Variants in AGPAT4 observed in about 807,000 individuals in gnomAD.
The protein encoded by AGPAT4 is 1-acylglycerol-3-phosphate O-acyltransferase 4.
In AGPAT4, 15 loss-of-function variants were observed where a neutral mutation model predicts 48.0. The observed-to-expected ratio is 0.31, with a 90% confidence interval of 0.21 to 0.48. The LOEUF (loss-of-function observed/expected upper bound fraction) is 0.48, where lower values mean the gene tolerates loss of function less well. Among genes scored for constraint, AGPAT4 ranks in the 20% least tolerant of loss-of-function variants. AGPAT4 has a pLI of 0.99. For missense variants in AGPAT4, 314 were observed against 482.5 expected (o/e 0.65, Z 3.27); for synonymous variants, 178 against 198.7 (o/e 0.90, Z 0.88).
Position 161,243,886 on chromosome 6 carries a change from G to A in AGPAT4, c.-89-11584C>T, listed in dbSNP as rs1782571742. On this transcript the variant is annotated intron_variant, in intron 1 of 8. Transcript: ENST00000320285. The surrounding 1 kb of genome is among the most constrained non-coding windows in gnomAD (Gnocchi z 4.8). ...GACCCTGAGCTGAAGTGACTCCTAA[G>A]ATCCTCAAAGCCCACTCACAAGTTT... Among the ~76,000 whole-genome samples the A allele has an allele frequency of 6.6e-6, 1 of 152,150 alleles. No homozygotes were observed. The highest frequency in any genetic ancestry group is 1.5e-5 in the Non-Finnish European group (1 of 68,038).
rs1353163429 is a variant in AGPAT4 at position 161,208,394 on chromosome 6, T to C, written c.178+23642A>G. Among the ~76,000 whole-genome samples, 1 of 152,126 alleles carries C rather than the reference T, an allele frequency of 6.6e-6. No individual in the cohort carries two copies. The highest frequency in any genetic ancestry group is 1.5e-5 in the Non-Finnish European group (1 of 68,030). On this transcript the variant is annotated intron_variant, in intron 2 of 8. Transcript: ENST00000320285. This position sits in a 1 kb window ranked among gnomAD's most constrained non-coding sequence, Gnocchi z 4.6. ...TTCCCACCTTGAAGGCTTCTTGTTC[T>C]TAACAGCTCAATTAAACTCATGTAC...
chr6:161,253,657 C>CT (rs760609250), intron 1 of AGPAT4, among the ~76,000 whole-genome samples: 1 of 151,710 alleles, frequency 6.6e-6, no homozygotes, highest in Non-Finnish European at 1.5e-5. Flanking sequence ...ATATTGCACC[C>CT]CCCAAGATTG....
chr6:161,204,321 G>A lies in AGPAT4; in HGVS notation c.178+27715C>T, dbSNP rs1004793497. Among the ~76,000 whole-genome samples, 3 of 152,092 alleles carry A rather than the reference G, an allele frequency of 2.0e-5. No individual in the cohort carries two copies. The highest frequency in any genetic ancestry group is 1.9e-4 in the East Asian group (1 of 5,164). On this transcript the variant is annotated intron_variant, in intron 2 of 8. Transcript: ENST00000320285. The surrounding 1 kb of genome is among the most constrained non-coding windows in gnomAD (Gnocchi z 4.4). Reference sequence around the variant, plus strand: ...GAGGAGATGATCTCTAAGTTGGCCCGAATACATTTTCAATCACTGCATTCT... The same window carrying A: ...GAGGAGATGATCTCTAAGTTGGCCCAAATACATTTTCAATCACTGCATTCT...
chr6:161,144,988 A>T lies in AGPAT4; in HGVS notation c.843+1536T>A, dbSNP rs964811754. On this transcript the variant is annotated intron_variant, in intron 7 of 8. Transcript: ENST00000320285. This position sits in a 1 kb window ranked among gnomAD's most constrained non-coding sequence, Gnocchi z 6.6. ...AGAGTGAAACTCAGTCTCAAAAAAAAAAAATAAAAAAAGTAACATTTTATA... is the reference window on the plus strand; with the variant it reads ...AGAGTGAAACTCAGTCTCAAAAAAATAAAATAAAAAAAGTAACATTTTATA... 6.6e-6 allele frequency among the ~76,000 whole-genome samples: 1 copy of T among 151,684 alleles called. No homozygotes were observed. The highest frequency in any genetic ancestry group is 1.5e-5 in the Non-Finnish European group (1 of 68,034).
At chr6:161,175,157 C>A (rs1244016910) in intron 2 of AGPAT4, among the ~76,000 whole-genome samples, 2 of 152,164 alleles carry the variant, frequency 1.3e-5, no homozygotes, top group African/African-American at 4.8e-5. Context: ...ATGATGCTGG[C>A]CTCATAAAAT....
Position 161,267,056 on chromosome 6 carries a change from G to T in AGPAT4, c.-90+6882C>A, listed in dbSNP as rs373972745. Among the ~76,000 whole-genome samples the T allele has an allele frequency of 1.1e-4, 17 of 152,320 alleles. No individual in the cohort carries two copies. The South Asian group carries it at 3.5e-3, about 32-fold the overall frequency. On this transcript the variant is annotated intron_variant, in intron 1 of 8. Transcript: ENST00000320285. The surrounding 1 kb of genome is among the most constrained non-coding windows in gnomAD (Gnocchi z 5.2). ...AAGCCTCTGACTCCATCCACCCACC[G>T]CCTTGGGAACTCTGAGAGCAGCCAC...
rs1238085296 is a variant in AGPAT4 at position 161,238,633 on chromosome 6, C to T, written c.-89-6331G>A. On this transcript the variant is annotated intron_variant, in intron 1 of 8. Coordinates refer to ENST00000320285, the MANE Select transcript of AGPAT4 (RefSeq NM_020133.3). This position sits in a 1 kb window ranked among gnomAD's most constrained non-coding sequence, Gnocchi z 5.2. ...CCTTAACTATGTAATCTTCCCAAAG[C>T]GTGGGATGGAGATGAGGTGATAGGG... Among the ~76,000 whole-genome samples the T allele has an allele frequency of 1.3e-5, 2 of 152,154 alleles. No homozygotes were observed. The highest frequency in any genetic ancestry group is 2.9e-5 in the Non-Finnish European group (2 of 68,032).
In AGPAT4 at chr6:161,245,366, T is replaced by C. The variant is rs969409490; in HGVS notation, c.-89-13064A>G. On this transcript the variant is annotated intron_variant, in intron 1 of 8. Transcript: ENST00000320285. The surrounding 1 kb of genome is among the most constrained non-coding windows in gnomAD (Gnocchi z 5.2). ...CTTCTGCAGGGCAGATGCTTAGGCA[T>C]TGGATATCAGTCCCAGTTTTATGGT... Among the ~76,000 whole-genome samples, 3 of 152,214 alleles carry C rather than the reference T, an allele frequency of 2.0e-5. No homozygotes were observed. The highest frequency in any genetic ancestry group is 6.5e-5 in the Admixed American group (1 of 15,280).
rs571937761 is a variant in AGPAT4, at chr6:161,206,235, G to A, written c.178+25801C>T. Reference sequence around the variant, plus strand: ...ACCCCCCATCAGCAAAGGTTGGGGTGGGGGGCTGTAATTTCACATCCTCTA... The same window carrying A: ...ACCCCCCATCAGCAAAGGTTGGGGTAGGGGGCTGTAATTTCACATCCTCTA... On this transcript the variant is annotated intron_variant, in intron 2 of 8. Transcript: ENST00000320285. This position sits in a 1 kb window ranked among gnomAD's most constrained non-coding sequence, Gnocchi z 4.8. 1.3e-5 allele frequency among the ~76,000 whole-genome samples: 2 copies of A among 152,060 alleles called. No individual in the cohort carries two copies. The highest frequency in any genetic ancestry group is 1.9e-4 in the East Asian group (1 of 5,198).
At chr6:161,258,688 C>G (rs919329632) in intron 1 of AGPAT4, among the ~76,000 whole-genome samples, 1 of 152,032 alleles carries the variant, frequency 6.6e-6, no homozygotes, top group Non-Finnish European at 1.5e-5. Flanking sequence ...CACAGAAACA[C>G]CATCCACAGA....
Position 161,177,031 on chromosome 6 carries a change from C to T in AGPAT4, c.179-10614G>A, listed in dbSNP as rs1309090112. Among the ~76,000 whole-genome samples the T allele has an allele frequency of 6.6e-6, 1 of 152,190 alleles. No individual in the cohort carries two copies. The highest frequency in any genetic ancestry group is 1.5e-5 in the Non-Finnish European group (1 of 68,038). On this transcript the variant is annotated intron_variant, in intron 2 of 8. Coordinates refer to ENST00000320285, the MANE Select transcript of AGPAT4 (RefSeq NM_020133.3). This position sits in a 1 kb window ranked among gnomAD's most constrained non-coding sequence, Gnocchi z 5.0. ...GATCTGCTGTTAGTCTGATGGGCTT[C>T]CTTTTGTGGGTAAATTGATCTTTCT...
intron 5 of AGPAT4, among the ~76,000 whole-genome samples, chr6:161,150,199 C>T (rs1779549229): frequency 1.3e-5 from 2 of 152,270 alleles, no homozygotes; most frequent in South Asian, 4.1e-4. Context: ...GAGATAAATG[C>T]ACAGTGGAAA....
At position 161,132,629 on chromosome 6, in the gene AGPAT4, G is replaced by A. The variant is rs1376462667; in HGVS notation, c.*3911C>T. 1 of 152,306 alleles carries A rather than the reference G, an allele frequency of 6.6e-6. No homozygotes were observed. Among genetic ancestry groups the A allele is most frequent in the African/African-American group, 2.4e-5 (1 of 41,476 alleles). The allele number at this position is 152,306 out of a possible 1,614,324, so 9.4% of individuals were successfully genotyped here. A position where few individuals can be genotyped will look rare whatever the true frequency, so the allele number is the denominator to read the frequency against. ...AGGACCAGAAGAATCAGAAAGCATG[G>A]TGGAGTCCGAAAGCATTGGCAAAGC... is the stretch of plus-strand genomic sequence containing the variant. On this transcript the variant is annotated 3_prime_UTR_variant, in exon 9 of 9. Transcript: ENST00000320285.
Position 161,218,265 on chromosome 6 carries a change from T to G in AGPAT4, c.178+13771A>C, listed in dbSNP as rs1352626020. ...TAGGTGGGAGGAAAAAAAGCCCTGA[T>G]TTATAGTTCTGCCGATTTCTATGGT... is the stretch of plus-strand genomic sequence containing the variant. On this transcript the variant is annotated intron_variant, in intron 2 of 8. Transcript: ENST00000320285. The surrounding 1 kb of genome is among the most constrained non-coding windows in gnomAD (Gnocchi z 4.7). Among the ~76,000 whole-genome samples the G allele has an allele frequency of 9.9e-5, 15 of 152,160 alleles. No homozygotes were observed. Among genetic ancestry groups the G allele is most frequent in the Admixed American group, 9.8e-4 (15 of 15,276 alleles).
chr6:161,230,976 C>A (rs1196775462), intron 2 of AGPAT4, among the ~76,000 whole-genome samples: 1 of 152,128 alleles, frequency 6.6e-6, no homozygotes, highest in Non-Finnish European at 1.5e-5. Flanking sequence ...TGAAGTTTAA[C>A]AAATAAGACT....
At position 161,138,623 on chromosome 6, in the gene AGPAT4, CT is replaced by C. The variant is rs1779154421; in HGVS notation, c.1042+798del. Among the ~76,000 whole-genome samples, 1 of 152,146 alleles carries C rather than the reference CT, an allele frequency of 6.6e-6. No individual in the cohort carries two copies. The highest frequency in any genetic ancestry group is 2.4e-5 in the African/African-American group (1 of 41,440). ...GCCTTTTATAGTGAGCATACTGCAT[CT>C]TTGTGTTTGACAGAAAATAACTGAG... On this transcript the variant is annotated intron_variant, in intron 8 of 8. Coordinates refer to ENST00000320285, the MANE Select transcript of AGPAT4 (RefSeq NM_020133.3). This position sits in a 1 kb window ranked among gnomAD's most constrained non-coding sequence, Gnocchi z 4.8.
In AGPAT4 at chr6:161,264,558, G is replaced by A. The variant is rs3798946; in HGVS notation, c.-90+9380C>T. Among the ~76,000 whole-genome samples the A allele has an allele frequency of 3.1e-4, 47 of 152,318 alleles. No homozygotes were observed. In the East Asian group the frequency reaches 5.8e-3, roughly 19 times the overall value. ...GTGAGGTGGTCCCCCTGGCGTGCCC[G>A]CGCATCCCTGCCCTGCAAGTCTTAT... On this transcript the variant is annotated intron_variant, in intron 1 of 8. Transcript: ENST00000320285. This position sits in a 1 kb window ranked among gnomAD's most constrained non-coding sequence, Gnocchi z 6.8.
chr6:161,264,053 T>C lies in AGPAT4; in HGVS notation c.-90+9885A>G, dbSNP rs913248091. 1.3e-5 allele frequency among the ~76,000 whole-genome samples: 2 copies of C among 152,124 alleles called. No individual in the cohort carries two copies. The highest frequency in any genetic ancestry group is 4.8e-5 in the African/African-American group (2 of 41,418). ...CTGGGGGCAAGCTGAAATGAGGTGT[T>C]ATACAAAGCAGACAGCTTCTAGTAA... is the stretch of plus-strand genomic sequence containing the variant. On this transcript the variant is annotated intron_variant, in intron 1 of 8. Coordinates refer to ENST00000320285, the MANE Select transcript of AGPAT4 (RefSeq NM_020133.3). The surrounding 1 kb of genome is among the most constrained non-coding windows in gnomAD (Gnocchi z 6.8).
chr6:161,228,661 TA>T lies in AGPAT4; in HGVS notation c.178+3374del, dbSNP rs375011382. Reference sequence around the variant, plus strand: ...TTTGAAACCCACAATGTCAGAGAGGTAAAAAAAAAAAAAAAAGCCAGTCTTG... The same window carrying T: ...TTTGAAACCCACAATGTCAGAGAGGTAAAAAAAAAAAAAAAGCCAGTCTTG... On this transcript the variant is annotated intron_variant, in intron 2 of 8. Coordinates refer to ENST00000320285, the MANE Select transcript of AGPAT4 (RefSeq NM_020133.3). Among the ~76,000 whole-genome samples the T allele has an allele frequency of 2.2e-3, 184 of 84,090 alleles. 4 individuals carry two copies. Among genetic ancestry groups the T allele is most frequent in the Middle Eastern group, 0.013 (2 of 154 alleles). The allele number at this position is 84,090 out of a possible 152,430, so 55.2% of individuals were successfully genotyped here.
Sources: allele counts gnomAD v4.1 joint callset (sites outside exome capture counted in the v4.1 genomes callset), GRCh38; gene constraint gnomAD v4.1.1; non-coding constraint Gnocchi (gnomAD v3.1); transcripts MANE v1.5; gene names NCBI Gene and HGNC (gene_info 2026-07-23, HGNC 2026-07-21).